The following DMD variants were observed in gnomAD, a reference collection of about 807,000 sequenced individuals.
The protein encoded by DMD is dystrophin, also known as mutant dystrophin.
In DMD, 63 loss-of-function variants were observed where a neutral mutation model predicts 330.1. The ratio of observed to expected loss-of-function variants is 0.19; its 90% CI spans 0.16 to 0.24. The LOEUF is 0.24. Among genes scored for constraint, DMD ranks in the 10% least tolerant of loss-of-function variants. The pLI is 1.00. For synonymous variants in DMD, 1,223 were observed against 959.8 expected, an observed-to-expected ratio of 1.27 and a Z score of -5.07; for missense variants, 3,344 against 2,684.1, an observed-to-expected ratio of 1.25 and a Z score of -5.43.
chrX:31,294,154 C>T (rs1422720659), intron 62 of DMD, among the ~76,000 whole-genome samples: 1 of 112,161 alleles, frequency 8.9e-6, no homozygotes, highest in Non-Finnish European at 1.9e-5. Flanking sequence ...AACAATACGG[C>T]ACAACAGAAC....
chrX:31,620,517 C>T (rs942495627), intron 55 of DMD, among the ~76,000 whole-genome samples: 4 of 107,520 alleles, frequency 3.7e-5, no homozygotes, highest in East Asian at 2.9e-4. Flanking sequence ...TACGTTCAAG[C>T]GATTCTCCTG....
intron 7 of DMD, among the ~76,000 whole-genome samples, chrX:32,767,505 G>A (rs745328203): frequency 1.8e-5 from 2 of 111,272 alleles, no homozygotes; most frequent in South Asian, 3.7e-4. Flanking sequence ...CAATTCTGAC[G>A]TTTATATCCA....
chrX:32,572,573 T>G (rs938645597), intron 15 of DMD, among the ~76,000 whole-genome samples: 6 of 109,436 alleles, frequency 5.5e-5, no homozygotes, highest in African/African-American at 1.7e-4. Context: ...TTTTTAAATC[T>G]TGGAAATTCC....
At chrX:31,865,812 G>T (rs1470340539) in intron 48 of DMD, among the ~76,000 whole-genome samples, 1 of 111,977 alleles carries the variant, frequency 8.9e-6, no homozygotes, top group African/African-American at 3.2e-5. Flanking sequence ...TTCAACTTCA[G>T]ATTTTCAGTA....
chrX:31,183,893 A>C lies in DMD; in HGVS notation c.9808-989T>G, dbSNP rs748760630. 4.0e-3 allele frequency among the ~76,000 whole-genome samples: 413 copies of C among 104,301 alleles called. 2 individuals are homozygous for C. The highest frequency in any genetic ancestry group is 0.013 in the African/African-American group (382 of 28,618). 90.6% of individuals were successfully genotyped at this position (104,301 alleles called of 115,157 possible). On this transcript the variant is annotated intron_variant, in intron 67 of 78. Transcript: ENST00000357033. ...TAAAAAAAAAATCCATATTCCTGAT[A>C]GTTATCTTCATTAAATACAATTTTT... is the stretch of plus-strand genomic sequence containing the variant.
intron 6 of DMD, among the ~76,000 whole-genome samples, chrX:32,813,830 G>A (rs2077538737): frequency 9.0e-6 from 1 of 110,744 alleles, no homozygotes; most frequent in Non-Finnish European, 1.9e-5. Context: ...TTTAAAATGA[G>A]GTATACTCAT....
chrX:32,278,609 A>T (rs2097400254), intron 43 of DMD, among the ~76,000 whole-genome samples: 2 of 111,789 alleles, frequency 1.8e-5, no homozygotes, highest in South Asian at 7.4e-4. Flanking sequence ...ACATTTATGC[A>T]GCCAAAAAAC....
chrX:32,554,805 G>A (rs143186744), intron 16 of DMD, among the ~76,000 whole-genome samples: 1,241 of 18,275 alleles, frequency 0.068, 56 homozygotes, highest in African/African-American at 0.26. Context: ...AACCTGGGAG[G>A]GAGGGAGGGA....
chrX:32,798,458 T>C (rs1415990986), intron 7 of DMD, among the ~76,000 whole-genome samples: 1 of 112,143 alleles, frequency 8.9e-6, no homozygotes, highest in Admixed American at 9.4e-5. Context: ...ATTTTTGTCA[T>C]GAAGAGCAAT....
At chrX:31,644,023 A>C (rs1179323075) in intron 54 of DMD, among the ~76,000 whole-genome samples, 1 of 111,952 alleles carries the variant, frequency 8.9e-6, no homozygotes, top group Admixed American at 9.6e-5. Flanking sequence ...AGTAGTGCAT[A>C]TATAACTGCC....
intron 51 of DMD, among the ~76,000 whole-genome samples, chrX:31,761,060 T>G (rs751691511): frequency 2.4e-4 from 26 of 108,551 alleles, no homozygotes; most frequent in Admixed American, 2.3e-3. Flanking sequence ...TAATTTTTTG[T>G]ATTTTTAGTA....
At chrX:32,638,588 C>T (rs1184519888) in intron 11 of DMD, among the ~76,000 whole-genome samples, 1 of 111,907 alleles carries the variant, frequency 8.9e-6, no homozygotes, top group African/African-American at 3.2e-5. Context: ...CTGCAAGTTA[C>T]TATTGCTTAA....
intron 21 of DMD, among the ~76,000 whole-genome samples, chrX:32,482,181 G>C (rs1424172424): frequency 9.2e-6 from 1 of 109,029 alleles, no homozygotes; most frequent in African/African-American, 3.3e-5. Flanking sequence ...TTTTTTCTTT[G>C]TTGAAACAAT....
chrX:32,937,756 C>G (rs2090121960), intron 2 of DMD, among the ~76,000 whole-genome samples: 1 of 109,617 alleles, frequency 9.1e-6, no homozygotes, highest in East Asian at 2.9e-4. Context: ...CAACCTGTAT[C>G]TGAACACGAT....
At chrX:31,390,590 C>A (rs1284589920) in intron 60 of DMD, among the ~76,000 whole-genome samples, 1 of 111,344 alleles carries the variant, frequency 9.0e-6, no homozygotes, top group Admixed American at 9.6e-5. Context: ...CATCCTCAAT[C>A]CCTCATGCCT....
chrX:32,073,699 T>C (rs1410693900), intron 44 of DMD, among the ~76,000 whole-genome samples: 1 of 111,594 alleles, frequency 9.0e-6, no homozygotes, highest in African/African-American at 3.3e-5. Flanking sequence ...GGTGACTTAA[T>C]AGATAAGAGA....
intron 7 of DMD, among the ~76,000 whole-genome samples, chrX:32,728,387 T>G (rs1388090268): frequency 8.9e-6 from 1 of 111,885 alleles, no homozygotes; most frequent in Non-Finnish European, 1.9e-5. Context: ...ATGTGAGGTC[T>G]ATATTCAAAT....
chrX:32,761,025 TTC>T (rs199714605), intron 7 of DMD, among the ~76,000 whole-genome samples: 13,021 of 110,536 alleles, frequency 0.12, 1,060 homozygotes, highest in African/African-American at 0.27. Context: ...CGGGCATTAT[TTC>T]TCTCTCTCTC....
rs140597765 is a variant in DMD, at chrX:32,414,000, C to T, written c.4072-2087G>A. On this transcript the variant is annotated intron_variant, in intron 29 of 78. Coordinates refer to ENST00000357033, the MANE Select transcript of DMD (RefSeq NM_004006.3). Reference sequence around the variant, plus strand: ...CCTCCCTAAGTGCTGGGATTATAGGCGTGAGACATTGCGCGCAGCCAAAAG... The same window carrying T: ...CCTCCCTAAGTGCTGGGATTATAGGTGTGAGACATTGCGCGCAGCCAAAAG... 4.8e-3 allele frequency among the ~76,000 whole-genome samples: 536 copies of T among 111,367 alleles called. 1 individual carries two copies. Among genetic ancestry groups the T allele is most frequent in the African/African-American group, 0.016 (493 of 30,654 alleles).
Sources: allele counts gnomAD v4.1 joint callset (sites outside exome capture counted in the v4.1 genomes callset), GRCh38; gene constraint gnomAD v4.1.1; transcripts MANE v1.5; gene names NCBI Gene and HGNC (gene_info 2026-07-23, HGNC 2026-07-21).